NR3C2: variants seen among roughly 807,000 people sequenced by gnomAD.
The protein encoded by NR3C2 is mineralocorticoid receptor.
NR3C2 carries 15 observed loss-of-function variants against 86.4 expected under a neutral mutation model. The observed-to-expected ratio is 0.17, with a 90% CI of 0.12 to 0.27. The LOEUF (loss-of-function observed/expected upper bound fraction) is 0.27. Ranked by LOEUF, NR3C2 falls within the 10% of genes least tolerant of loss-of-function variation. The pLI, the probability that NR3C2 is intolerant of heterozygous loss-of-function variation, is 1.00. For missense variants in NR3C2, 960 were observed against 1,195.6 expected (o/e 0.80, Z 2.91); for synonymous variants, 458 against 450.5 (o/e 1.02, Z -0.21).
chr4:148,225,574 C>T (rs1738111242), intron 3 of NR3C2, among the ~76,000 whole-genome samples: 1 of 152,018 alleles, frequency 6.6e-6, no homozygotes, highest in Admixed American at 6.6e-5. Flanking sequence ...TTATTCCCAT[C>T]ATCTCCTAAT....
chr4:148,133,689 C>T (rs1318980206), intron 6 of NR3C2, among the ~76,000 whole-genome samples: 1 of 152,168 alleles, frequency 6.6e-6, no homozygotes, highest in African/African-American at 2.4e-5. Context: ...ACTCCAGTAA[C>T]CAGAAGCTGG....
chr4:148,199,841 C>A (rs1736628526), intron 3 of NR3C2, among the ~76,000 whole-genome samples: 1 of 152,110 alleles, frequency 6.6e-6, no homozygotes, highest in Non-Finnish European at 1.5e-5. Context: ...TAAGATAAAT[C>A]TCCCTATGTA....
intron 4 of NR3C2, among the ~76,000 whole-genome samples, chr4:148,183,293 C>T (rs551912141): frequency 1.1e-4 from 17 of 152,228 alleles, no homozygotes; most frequent in Admixed American, 2.6e-4. Context: ...TGTGTGCATG[C>T]GCCTTTAAAG....
At position 148,080,947 on chromosome 4, in the gene NR3C2, C is replaced by G. The variant is rs1202560354; in HGVS notation, c.*397G>C. 1 of 317,860 alleles carries G rather than the reference C, an allele frequency of 3.1e-6. No homozygotes were observed. The highest frequency in any genetic ancestry group is 7.8e-5 in the East Asian group (1 of 12,818). 19.7% of individuals were successfully genotyped at this position (317,860 alleles called of 1,614,324 possible). A position where few individuals can be genotyped will look rare whatever the true frequency, so the allele number is the denominator to read the frequency against. ...TTGACTATACGTTTTATGTGCAAAC[C>G]AAGGGTAAGCTTTAAAACGTTCGTT... On this transcript the variant is annotated 3_prime_UTR_variant, in exon 9 of 9. Transcript: ENST00000358102.
chr4:148,368,389 C>T (rs1242995923), intron 2 of NR3C2: 2 of 152,166 alleles, frequency 1.3e-5, no homozygotes, highest in East Asian at 3.9e-4. Flanking sequence ...TGTGTACAAC[C>T]GAATTACTAC....
At chr4:148,434,350 C>T (rs1749935588) in intron 2 of NR3C2, among the ~76,000 whole-genome samples, 1 of 152,124 alleles carries the variant, frequency 6.6e-6, no homozygotes, top group African/African-American at 2.4e-5. Context: ...AACATGCTAT[C>T]TGCAACAAGG....
chr4:148,188,064 AATGGTCT>A lies in NR3C2; in HGVS notation c.2014+6675_2014+6681del, dbSNP rs1263064110. ...ATTTCTGGGTTCTCTACTACGTTCC[AATGGTCT>A]ATGTACCTATTTTTATACCGGTACT... On this transcript the variant is annotated intron_variant, in intron 4 of 8. Transcript: ENST00000358102. 9.2e-5 allele frequency among the ~76,000 whole-genome samples: 14 copies of A among 152,282 alleles called. No homozygotes were observed. In the South Asian group the frequency reaches 2.1e-3, roughly 23 times the overall value.
intron 2 of NR3C2, among the ~76,000 whole-genome samples, chr4:148,353,904 T>A (rs569976502): frequency 4.6e-5 from 7 of 152,302 alleles, no homozygotes; most frequent in South Asian, 4.1e-4. Context: ...CCTAATGGAT[T>A]CTACTTAAAG....
At chr4:148,230,620 T>G (rs2149837332) in intron 3 of NR3C2, among the ~76,000 whole-genome samples, 2 of 152,322 alleles carry the variant, frequency 1.3e-5, no homozygotes, top group Middle Eastern at 6.8e-3. Flanking sequence ...TTGTATAGGA[T>G]TTTTGAAAAA....
Position 148,436,507 on chromosome 4 carries a change from G to A in NR3C2, c.354C>T (p.Ser118=). 8 of 1,614,154 alleles carry A rather than the reference G, an allele frequency of 5.0e-6. No homozygotes were observed. Among genetic ancestry groups the A allele is most frequent in the Non-Finnish European group, 6.8e-6 (8 of 1,180,024 alleles). ...TTCCTTGTTGGTTCTGCTGCTCATA[G>A]GAATAGTCAGCATCTCTTACAGAAT... is the stretch of plus-strand genomic sequence containing the variant. ...YMDSVRDADY[S]YEQQNQQGSM... Residue 118 remains serine, a synonymous_variant, in exon 2 of 9, where the codon TCC becomes TCT. Transcript: ENST00000358102.
At chr4:148,247,224 A>T (rs1339991513) in intron 3 of NR3C2, among the ~76,000 whole-genome samples, 1 of 152,226 alleles carries the variant, frequency 6.6e-6, no homozygotes, top group African/African-American at 2.4e-5. Context: ...TAACTTTAAA[A>T]ATGCAATAAT....
chr4:148,085,509 T>G (rs549079399), intron 8 of NR3C2, among the ~76,000 whole-genome samples: 1 of 152,326 alleles, frequency 6.6e-6, no homozygotes, highest in Non-Finnish European at 1.5e-5. Flanking sequence ...AGACGGAAAT[T>G]TATAGCACTA....
chr4:148,381,262 A>T (rs897924443), intron 2 of NR3C2, among the ~76,000 whole-genome samples: 1 of 151,948 alleles, frequency 6.6e-6, no homozygotes, highest in Admixed American at 6.6e-5. Flanking sequence ...GAACATTAGG[A>T]TAAGAATAAA....
At chr4:148,354,007 A>G (rs1745429600) in intron 2 of NR3C2, among the ~76,000 whole-genome samples, 1 of 152,168 alleles carries the variant, frequency 6.6e-6, no homozygotes, top group African/African-American at 2.4e-5. Flanking sequence ...ACAGGTCCTA[A>G]GATATTATAC....
chr4:148,409,232 A>G (rs78723224), intron 2 of NR3C2, among the ~76,000 whole-genome samples: 2,764 of 152,232 alleles, frequency 0.018, 83 homozygotes, highest in African/African-American at 0.063. Context: ...TATTCTAAAA[A>G]TTTTGTCAAT....
chr4:148,384,187 A>C (rs1747149630), intron 2 of NR3C2, among the ~76,000 whole-genome samples: 1 of 151,992 alleles, frequency 6.6e-6, no homozygotes, highest in Non-Finnish European at 1.5e-5. Context: ...TCTATTACCA[A>C]AAATATTTTT....
intron 2 of NR3C2, among the ~76,000 whole-genome samples, chr4:148,288,282 A>G (rs1741631300): frequency 6.6e-6 from 1 of 152,228 alleles, no homozygotes; most frequent in Non-Finnish European, 1.5e-5. Flanking sequence ...TTTCTTATAA[A>G]TTATGTGAGC....
At chr4:148,422,781 A>AT (rs920209313) in intron 2 of NR3C2, among the ~76,000 whole-genome samples, 1 of 151,970 alleles carries the variant, frequency 6.6e-6, no homozygotes, top group Non-Finnish European at 1.5e-5. Context: ...TCCTGGGGGT[A>AT]TTTTTTTCTG....
chr4:148,259,101 G>A (rs534471225), intron 3 of NR3C2, among the ~76,000 whole-genome samples: 1 of 152,130 alleles, frequency 6.6e-6, no homozygotes, highest in Non-Finnish European at 1.5e-5. Context: ...AAACATTCAA[G>A]CCACTTATGT....
Sources: allele counts gnomAD v4.1 joint callset (sites outside exome capture counted in the v4.1 genomes callset), GRCh38; gene constraint gnomAD v4.1.1; transcripts MANE v1.5; gene names NCBI Gene and HGNC (gene_info 2026-07-23, HGNC 2026-07-21).